Variants in DCC observed in about 807,000 individuals in gnomAD.
DCC encodes DCC netrin 1 receptor.
Under a neutral mutation model 172.5 loss-of-function variants are expected in DCC, and 58 were observed. The ratio of observed to expected loss-of-function variants is 0.34; its 90% confidence interval spans 0.27 to 0.42. The LOEUF (loss-of-function observed/expected upper bound fraction) is 0.42, where lower values mean the gene tolerates loss of function less well. Ranked by LOEUF, DCC falls within the 10% of genes least tolerant of loss-of-function variation. DCC has a pLI of 1.00. For missense variants in DCC, 1,740 were observed against 1,791.0 expected (o/e 0.97, Z 0.51); for synonymous variants, 709 against 644.5 (o/e 1.10, Z -1.52).
chr18:53,503,294 A>G (rs1287043581), intron 27 of DCC, among the ~76,000 whole-genome samples: 3 of 152,168 alleles, frequency 2.0e-5, no homozygotes, highest in Non-Finnish European at 2.9e-5. Context: ...AAACAGATTC[A>G]TTTCCTCAAT....
chr18:52,436,177 C>T (rs1292573392), intron 1 of DCC, among the ~76,000 whole-genome samples: 1 of 152,238 alleles, frequency 6.6e-6, no homozygotes, highest in African/African-American at 2.4e-5. Context: ...ACATGAGTGT[C>T]ACAAAGTTCA....
At chr18:52,553,489 G>C (rs920051047) in intron 1 of DCC, among the ~76,000 whole-genome samples, 3 of 152,018 alleles carry the variant, frequency 2.0e-5, no homozygotes, top group African/African-American at 7.2e-5. Context: ...GACACAAAGA[G>C]AATGGATCAA....
chr18:52,752,169 T>C lies in DCC; in HGVS notation c.207T>C (p.Val69=). The C allele has an allele frequency of 6.2e-7, 1 of 1,614,082 alleles. No homozygotes were observed. The highest frequency in any genetic ancestry group is 8.5e-7 in the Non-Finnish European group (1 of 1,180,016). Residue 69 remains valine, a synonymous_variant, in exon 2 of 29, where the codon GTT becomes GTC. Transcript: ENST00000442544. The stretch of plus-strand genomic sequence containing the variant: ...GCTCCGCGGAGTCCGACCGAGGAGT[T>C]CCAGTGATCAAGTGGAAGAAAGATG... ...LDCSAESDRG[V]PVIKWKKDGI... is the part of the protein sequence containing the mutation.
intron 5 of DCC, among the ~76,000 whole-genome samples, chr18:53,047,428 CATATATATATATATATATAT>C (rs58797605): frequency 0.053 from 2,666 of 50,052 alleles, 254 homozygotes; most frequent in African/African-American, 0.17. Flanking sequence ...ATATATTTTA[CATATATATATATATATATAT>C]ATATATATAT....
At chr18:53,288,813 C>A (rs561588301) in intron 12 of DCC, among the ~76,000 whole-genome samples, 1 of 152,208 alleles carries the variant, frequency 6.6e-6, no homozygotes, top group East Asian at 1.9e-4. Flanking sequence ...CTTATCTGAA[C>A]TTTAGTGGAG....
chr18:53,254,327 G>T (rs566286638), intron 12 of DCC, among the ~76,000 whole-genome samples: 63 of 152,080 alleles, frequency 4.1e-4, no homozygotes, highest in Admixed American at 3.3e-3. Context: ...TTACTAAAGT[G>T]GTCATGAATA....
At chr18:52,610,402 A>AAAAAAAAG (rs2034252823) in intron 1 of DCC, among the ~76,000 whole-genome samples, 1 of 131,260 alleles carries the variant, frequency 7.6e-6, no homozygotes, top group African/African-American at 2.8e-5. Flanking sequence ...AAAAAAAAAA[A>AAAAAAAAG]AAAAAGAAAA....
intron 1 of DCC, among the ~76,000 whole-genome samples, chr18:52,437,402 G>T (rs1987831575): frequency 6.6e-6 from 1 of 152,124 alleles, no homozygotes; most frequent in South Asian, 2.1e-4. Flanking sequence ...TATGTGTTAA[G>T]GAGATAATTA....
At chr18:52,503,904 T>G (rs1054023953) in intron 1 of DCC, among the ~76,000 whole-genome samples, 3 of 152,166 alleles carry the variant, frequency 2.0e-5, no homozygotes, top group African/African-American at 7.2e-5. Flanking sequence ...CAGGTGACTC[T>G]ACTGCACCCT....
intron 1 of DCC, among the ~76,000 whole-genome samples, chr18:52,712,944 A>G (rs1467267481): frequency 6.6e-6 from 1 of 152,186 alleles, no homozygotes; most frequent in East Asian, 1.9e-4. Context: ...GCTGTTCTTC[A>G]TTCAGCCTCT....
intron 1 of DCC, among the ~76,000 whole-genome samples, chr18:52,444,514 G>A (rs1242703009): frequency 2.6e-5 from 4 of 152,136 alleles, no homozygotes; most frequent in Non-Finnish European, 4.4e-5. Flanking sequence ...CTAGAAGGTC[G>A]AGACAAAAGC....
intron 5 of DCC, among the ~76,000 whole-genome samples, chr18:52,927,328 A>G (rs1291703907): frequency 1.3e-5 from 2 of 151,094 alleles, no homozygotes; most frequent in Non-Finnish European, 3.0e-5. Flanking sequence ...TTCTTTGTGA[A>G]TTGTGTAAAT....
At chr18:53,215,120 G>T (rs1014327998) in intron 11 of DCC, among the ~76,000 whole-genome samples, 1 of 152,050 alleles carries the variant, frequency 6.6e-6, no homozygotes. Context: ...AAGAAACCTG[G>T]CTGACCATTA....
intron 1 of DCC, among the ~76,000 whole-genome samples, chr18:52,401,058 C>T (rs1376550998): frequency 6.6e-6 from 1 of 151,888 alleles, no homozygotes; most frequent in Non-Finnish European, 1.5e-5. Flanking sequence ...ACATATGTAA[C>T]AAACCTGCAC....
At chr18:52,392,850 G>A (rs547452880) in intron 1 of DCC, among the ~76,000 whole-genome samples, 3 of 152,132 alleles carry the variant, frequency 2.0e-5, no homozygotes, top group Admixed American at 2.0e-4. Context: ...TTCAGGATTG[G>A]AATCGAACTA....
chr18:52,482,207 A>AT (rs2029992279), intron 1 of DCC, among the ~76,000 whole-genome samples: 1 of 152,166 alleles, frequency 6.6e-6, no homozygotes, highest in Admixed American at 6.5e-5. Context: ...TTGTATCATA[A>AT]TTTTGATTAG....
intron 9 of DCC, among the ~76,000 whole-genome samples, chr18:53,201,502 G>A (rs1447218928): frequency 1.3e-5 from 2 of 152,068 alleles, no homozygotes; most frequent in Non-Finnish European, 2.9e-5. Flanking sequence ...GGAATAATAG[G>A]TTCAGAATCA....
intron 1 of DCC, among the ~76,000 whole-genome samples, chr18:52,723,836 G>A (rs1192253773): frequency 2.6e-5 from 4 of 152,126 alleles, no homozygotes; most frequent in African/African-American, 7.2e-5. Flanking sequence ...AGAGAGGTAA[G>A]GGCAAAGGCG....
At chr18:53,115,424 C>T (rs940118646) in intron 7 of DCC, among the ~76,000 whole-genome samples, 2 of 151,262 alleles carry the variant, frequency 1.3e-5, no homozygotes, top group South Asian at 4.2e-4. Flanking sequence ...TGGTTAGTGG[C>T]AGATACGGGT....
Sources: allele counts gnomAD v4.1 joint callset (sites outside exome capture counted in the v4.1 genomes callset), GRCh38; gene constraint gnomAD v4.1.1; transcripts MANE v1.5; gene names NCBI Gene and HGNC (gene_info 2026-07-23, HGNC 2026-07-21).